Variants in CCDC13 observed in about 807,000 individuals in gnomAD.
The protein encoded by CCDC13 is coiled-coil domain-containing protein 13.
CCDC13 carries 70 observed loss-of-function variants against 87.3 expected under a neutral mutation model. That is an observed-to-expected ratio of 0.80 (90% CI 0.66 to 0.98). The LOEUF (loss-of-function observed/expected upper bound fraction) is 0.98, where lower values mean the gene tolerates loss of function less well. CCDC13 is among the 50% of genes least tolerant of loss of function. The probability of loss-of-function intolerance (pLI) is 0.00; values close to 1 mark genes in which losing one functional copy is unlikely to be tolerated. For synonymous variants in CCDC13, 317 were observed against 360.3 expected (o/e 0.88, Z 1.36); for missense variants, 842 against 892.0 (o/e 0.94, Z 0.71).
At position 42,735,780 on chromosome 3, in the gene CCDC13, A is replaced by G; in HGVS notation, c.1298T>C (p.Leu433Pro). The G allele has an allele frequency of 1.2e-6, 2 of 1,614,226 alleles. No homozygotes were observed. The highest frequency in any genetic ancestry group is 1.7e-6 in the Non-Finnish European group (2 of 1,180,038). The stretch of plus-strand genomic sequence containing the variant: ...CTCCCGCTCAGCTACCATGGCCTGC[A>G]GCTGGGCGACTAGGCTGTTGCTCCG... ...AQRSNSLVAQ[L>P]QAMVAEREAK... Residue 433 changes from leucine to proline, a missense_variant, in exon 10 of 16, where the codon CTG (leucine) becomes CCG (proline). Leu to Pro is a moderately conservative substitution (Grantham distance 98). Transcript: ENST00000310232.
chr3:42,740,957 C>T (rs35697625), intron 8 of CCDC13: 25,689 of 152,206 alleles, frequency 0.17, 2,239 homozygotes, highest in Middle Eastern at 0.25. Context: ...CTGTTGCTCT[C>T]CTGCCTACAC....
intron 10 of CCDC13, 130 bp from the exon 11 acceptor site, chr3:42,733,739 G>T: frequency 2.5e-6 from 3 of 1,196,494 alleles, no homozygotes; most frequent in Middle Eastern, 5.2e-4. Context: ...GGAGTGAAAA[G>T]CGAGGCCTGT....
At chr3:42,726,065 G>A (rs1698679498) in intron 13 of CCDC13, among the ~76,000 whole-genome samples, 1 of 152,124 alleles carries the variant, frequency 6.6e-6, no homozygotes, top group Non-Finnish European at 1.5e-5. Context: ...TTTTGAGACG[G>A]GGGTGTTTTG....
At chr3:42,743,134 C>A (rs558997899) in intron 7 of CCDC13, 77 bp from the exon 8 acceptor site, 2 of 1,543,988 alleles carry the variant, frequency 1.3e-6, no homozygotes, top group East Asian at 4.5e-5. Context: ...ATAGGAGACC[C>A]CACAGACTGA....
rs780133485 is a variant in CCDC13 at position 42,747,263 on chromosome 3, T to C, written c.714A>G (p.Ala238=). 3.1e-6 allele frequency: 5 copies of C among 1,613,006 alleles called. No individual in the cohort carries two copies. In the South Asian group the frequency reaches 5.5e-5, roughly 18 times the overall value. Residue 238 remains alanine, a synonymous_variant, in exon 6 of 16, where the codon GCA becomes GCG. Coordinates refer to ENST00000310232, the MANE Select transcript of CCDC13 (RefSeq NM_144719.4). ...IQSVKQELRM[A]QKVLAREVGE... is the part of the protein sequence containing the mutation. Reference sequence around the variant, plus strand: ...AGCCCTGGCTCTGAAAGACCTTCTGTGCCATCCGCAGCTCCTGCTTCACAG... The same window carrying C: ...AGCCCTGGCTCTGAAAGACCTTCTGCGCCATCCGCAGCTCCTGCTTCACAG...
intron 2 of CCDC13, 87 bp from the exon 3 acceptor site, chr3:42,757,301 T>G: frequency 7.6e-7 from 1 of 1,310,780 alleles, no homozygotes; most frequent in Non-Finnish European, 1.1e-6. Flanking sequence ...GGTGGACAGA[T>G]GGACACGCAG....
chr3:42,769,812 G>C (rs959411416), intron 1 of CCDC13, among the ~76,000 whole-genome samples: 1 of 152,240 alleles, frequency 6.6e-6, no homozygotes, highest in East Asian at 1.9e-4. Flanking sequence ...CCAAGCAGCC[G>C]GCTGGCCGCA....
chr3:42,709,860 T>C, intron 14 of CCDC13, 62 bp from the exon 15 acceptor site: 2 of 1,273,388 alleles, frequency 1.6e-6, no homozygotes, highest in Non-Finnish European at 2.3e-6. Flanking sequence ...GCACCCTGCT[T>C]CTCCTCCCGC....
At chr3:42,717,759 CAGA>C (rs1698466494) in intron 13 of CCDC13, among the ~76,000 whole-genome samples, 1 of 152,184 alleles carries the variant, frequency 6.6e-6, no homozygotes, top group Non-Finnish European at 1.5e-5. Flanking sequence ...GTCAAGGTGT[CAGA>C]AGGAGTTGCT....
intron 5 of CCDC13, among the ~76,000 whole-genome samples, chr3:42,748,644 A>G (rs1291284977): frequency 6.6e-6 from 1 of 152,226 alleles, no homozygotes; most frequent in East Asian, 1.9e-4. Context: ...ACCACTGGCC[A>G]AAGAAACTAG....
chr3:42,728,425 C>T (rs1425324675), intron 13 of CCDC13, among the ~76,000 whole-genome samples: 1 of 146,680 alleles, frequency 6.8e-6, no homozygotes, highest in Non-Finnish European at 1.5e-5. Flanking sequence ...CTGGGACAGA[C>T]TCTGCAGATA....
Position 42,758,306 on chromosome 3 carries a change from G to T in CCDC13, c.40C>A (p.Gln14Lys). Residue 14 changes from glutamine (Q) to lysine (K), a missense_variant, in exon 2 of 16, where the codon CAG (glutamine) becomes AAG (lysine). Coordinates refer to ENST00000310232, the MANE Select transcript of CCDC13 (RefSeq NM_144719.4). Reference sequence around the variant, plus strand: ...TGCATCTCCTGCATTGCCTTGAACTGGAGCCGCAAAGTGTTCTGTGAGCTT... The same window carrying T: ...TGCATCTCCTGCATTGCCTTGAACTTGAGCCGCAAAGTGTTCTGTGAGCTT... ...DESSQNTLRL[Q>K]FKAMQEMQHK... 3 of 1,613,168 alleles carry T rather than the reference G, an allele frequency of 1.9e-6. No individual in the cohort carries two copies. Among genetic ancestry groups the T allele is most frequent in the Admixed American group, 1.7e-5 (1 of 60,028 alleles).
chr3:42,757,162 C>G lies in CCDC13; in HGVS notation c.274G>C (p.Asp92His), dbSNP rs1699722035. 4 of 1,614,086 alleles carry G rather than the reference C, an allele frequency of 2.5e-6. No individual in the cohort carries two copies. The highest frequency in any genetic ancestry group is 1.1e-5 in the South Asian group (1 of 91,092). Residue 92 changes from aspartate to histidine, a missense_variant, in exon 3 of 16, where the codon GAC becomes CAC. Coordinates refer to ENST00000310232, the MANE Select transcript of CCDC13 (RefSeq NM_144719.4). ...HLRNELRETV[D>H]ENGRLYKLLK... Reference sequence around the variant, plus strand: ...AGCTTATACAATCGCCCGTTCTCGTCCACCGTTTCCCTGAGCTCATTTCGA... The same window carrying G: ...AGCTTATACAATCGCCCGTTCTCGTGCACCGTTTCCCTGAGCTCATTTCGA...
At chr3:42,744,135 C>T (rs1453806703) in intron 7 of CCDC13, among the ~76,000 whole-genome samples, 1 of 151,514 alleles carries the variant, frequency 6.6e-6, no homozygotes, top group Non-Finnish European at 1.5e-5. Flanking sequence ...ATTTTAAATG[C>T]TACAGGTTAT....
intron 1 of CCDC13, among the ~76,000 whole-genome samples, chr3:42,763,116 A>T (rs4488806): frequency 1.3e-5 from 2 of 152,172 alleles, no homozygotes; most frequent in Non-Finnish European, 2.9e-5. Context: ...AGTGATGAAC[A>T]GAAAGCACAA....
chr3:42,757,780 A>G, intron 2 of CCDC13, among the ~76,000 whole-genome samples: 1 of 152,200 alleles, frequency 6.6e-6, no homozygotes, highest in Non-Finnish European at 1.5e-5. Flanking sequence ...TATACAGACT[A>G]TTTTCTCTAA....
At chr3:42,773,133 TC>T (rs1368476509) in intron 1 of CCDC13, 42 bp downstream of exon 1, 2 of 152,170 alleles carry the variant, frequency 1.3e-5, no homozygotes, top group Non-Finnish European at 2.9e-5. Flanking sequence ...CTGCGGGCTT[TC>T]CCAGCTCCGG....
intron 1 of CCDC13, among the ~76,000 whole-genome samples, chr3:42,759,712 A>T (rs995065988): frequency 6.6e-6 from 1 of 152,190 alleles, no homozygotes; most frequent in Non-Finnish European, 1.5e-5. Context: ...TGGACATCTG[A>T]GCTGTTTCCA....
chr3:42,749,128 C>T (rs530589081), intron 5 of CCDC13, among the ~76,000 whole-genome samples: 6 of 152,240 alleles, frequency 3.9e-5, no homozygotes, highest in Non-Finnish European at 8.8e-5. Flanking sequence ...TCCCTGCATA[C>T]TCTGTTGGGT....
Sources: gnomAD v4.1 joint callset for allele counts (sites outside exome capture counted in the v4.1 genomes callset) on GRCh38, gnomAD v4.1.1 for gene constraint, MANE v1.5 for transcripts, NCBI Gene and HGNC (gene_info 2026-07-23, HGNC 2026-07-21) for gene names.